Variants in CLNK observed in about 807,000 individuals in gnomAD.
CLNK encodes cytokine-dependent hematopoietic cell linker.
CLNK carries 74 observed loss-of-function variants against 68.6 expected under a neutral mutation model. The ratio of observed to expected loss-of-function variants is 1.08; its 90% CI spans 0.89 to 1.31. The LOEUF is 1.31. CLNK is among the 50% of genes most tolerant of loss of function. CLNK has a pLI of 0.00. For synonymous variants in CLNK, 198 were observed against 172.2 expected, an observed-to-expected ratio of 1.15 and a Z score of -1.17; for missense variants, 553 against 515.3, an observed-to-expected ratio of 1.07 and a Z score of -0.71.
chr4:10,542,276 A>T lies in CLNK; in HGVS notation c.450T>A (p.Asp150Glu), dbSNP rs984161640. ...TTACCTTGTTCTTTCTTACGGATGC[A>T]TCTCCTAAAACATAAGAGGGAATAG... The part of the protein sequence containing the change: ...KDVRSQNIKG[D>E]ASVRKNKIPL... The change falls in exon 9 of 19, where the codon GAT becomes GAA. Residue 150 changes from aspartate (D) to glutamate (E), a missense_variant. Physicochemically the swap from Asp to Glu is conservative, Grantham distance 45. Coordinates refer to ENST00000226951, the MANE Select transcript of CLNK (RefSeq NM_052964.4). 2.6e-6 allele frequency: 4 copies of T among 1,536,240 alleles called. No individual in the cohort carries two copies. The African/African-American group carries it at 5.4e-5, about 21-fold the overall frequency.
chr4:10,717,292 A>G, the CLNK span, among the ~76,000 whole-genome samples: 47 of 152,156 alleles, frequency 3.1e-4, no homozygotes, highest in Non-Finnish European at 4.9e-4. Flanking sequence ...GTAGTATCAG[A>G]GGGGGTGGAG....
chr4:10,677,188 C>G (rs1376942347), intron 1 of CLNK, among the ~76,000 whole-genome samples: 1 of 152,058 alleles, frequency 6.6e-6, no homozygotes, highest in East Asian at 1.9e-4. Context: ...TATATATTTA[C>G]CACCATTTAC....
the CLNK span, among the ~76,000 whole-genome samples, chr4:10,707,225 G>T: frequency 6.6e-6 from 1 of 152,048 alleles, no homozygotes; most frequent in African/African-American, 2.4e-5. Context: ...AACAATAACT[G>T]ATGAGCTAAA....
chr4:10,710,466 T>C, the CLNK span, among the ~76,000 whole-genome samples: 1 of 152,232 alleles, frequency 6.6e-6, no homozygotes, highest in Admixed American at 6.5e-5. Context: ...TTCCTTATCA[T>C]AGCCCTCTCT....
At chr4:10,534,846 CAAT>C (rs1208548530) in intron 11 of CLNK, among the ~76,000 whole-genome samples, 3 of 152,046 alleles carry the variant, frequency 2.0e-5, no homozygotes, top group Admixed American at 1.3e-4. Flanking sequence ...ACTTGGAAAA[CAAT>C]AATAATGATG....
intron 15 of CLNK, among the ~76,000 whole-genome samples, chr4:10,513,868 T>TA (rs1443889076): frequency 6.7e-6 from 1 of 149,118 alleles, no homozygotes; most frequent in Non-Finnish European, 1.5e-5. Flanking sequence ...TATTTTTTTT[T>TA]AAATTATACT....
At chr4:10,725,330 A>T in the CLNK span, among the ~76,000 whole-genome samples, 2 of 152,156 alleles carry the variant, frequency 1.3e-5, no homozygotes, top group Non-Finnish European at 2.9e-5. Context: ...TGTTATGTGT[A>T]CCAGATGGCC....
intron 1 of CLNK, among the ~76,000 whole-genome samples, chr4:10,675,239 G>A (rs911264853): frequency 6.6e-6 from 1 of 152,188 alleles, no homozygotes; most frequent in African/African-American, 2.4e-5. Context: ...GCAGATGAAA[G>A]TATCTATAAG....
chr4:10,687,219 C>T (rs1314364083), upstream of CLNK, among the ~76,000 whole-genome samples: 1 of 139,310 alleles, frequency 7.2e-6, no homozygotes, highest in Non-Finnish European at 1.6e-5. Context: ...AAAAAAAAAA[C>T]TTGTCCCTAC....
chr4:10,552,014 A>C (rs981469344), intron 8 of CLNK, among the ~76,000 whole-genome samples: 1 of 151,844 alleles, frequency 6.6e-6, no homozygotes, highest in Non-Finnish European at 1.5e-5. Flanking sequence ...CGCTGGGCTA[A>C]TTTTTTGTGC....
intron 8 of CLNK, 48 bp from the exon 9 acceptor site, chr4:10,542,328 A>T: frequency 7.7e-7 from 1 of 1,301,444 alleles, no homozygotes; most frequent in Non-Finnish European, 1.1e-6. Context: ...AATGTCATCA[A>T]GCATTGATTT....
chr4:10,640,945 T>G (rs1723282501), intron 2 of CLNK, among the ~76,000 whole-genome samples: 1 of 152,210 alleles, frequency 6.6e-6, no homozygotes, highest in Non-Finnish European at 1.5e-5. Context: ...GAAGCCACAG[T>G]GAAGGGGGCC....
chr4:10,704,688 GCCCACAGGGTCAAGC>G, the CLNK span, among the ~76,000 whole-genome samples: 1 of 152,120 alleles, frequency 6.6e-6, no homozygotes, highest in Admixed American at 6.5e-5. Context: ...GACTCTTTGT[GCCCACAGGGTCAAGC>G]CCCCCTGTGC....
chr4:10,550,757 C>A (rs977867470), intron 8 of CLNK, among the ~76,000 whole-genome samples: 2 of 152,140 alleles, frequency 1.3e-5, no homozygotes, highest in African/African-American at 4.8e-5. Flanking sequence ...TCCCAGTAAC[C>A]TCAGCATACA....
At chr4:10,542,508 GA>G (rs1294632718) in intron 8 of CLNK, among the ~76,000 whole-genome samples, 1 of 152,010 alleles carries the variant, frequency 6.6e-6, no homozygotes, top group Non-Finnish European at 1.5e-5. Context: ...GACACACGGG[GA>G]AGTTAAATAT....
chr4:10,498,967 ACCC>A (rs1177985766), intron 18 of CLNK, among the ~76,000 whole-genome samples: 120 of 135,632 alleles, frequency 8.8e-4, no homozygotes, highest in African/African-American at 2.9e-3. Flanking sequence ...AATTCATTGT[ACCC>A]CCCCCCCCCC....
chr4:10,619,886 C>CAAG (rs1722368498), intron 2 of CLNK, among the ~76,000 whole-genome samples: 2 of 152,126 alleles, frequency 1.3e-5, no homozygotes, highest in Non-Finnish European at 2.9e-5. Context: ...GAGGCTGCTA[C>CAAG]AGGCCAGACT....
intron 5 of CLNK, among the ~76,000 whole-genome samples, chr4:10,568,641 A>G (rs979964385): frequency 6.6e-6 from 1 of 152,232 alleles, no homozygotes; most frequent in Admixed American, 6.5e-5. Context: ...AGGATTTGAC[A>G]ACAGCCAGCC....
chr4:10,688,091 A>G (rs1725333473), upstream of CLNK, among the ~76,000 whole-genome samples: 1 of 152,060 alleles, frequency 6.6e-6, no homozygotes, highest in Admixed American at 6.6e-5. Flanking sequence ...AAAATTACTT[A>G]CCTCCTGCAA....
Sources: gnomAD v4.1 joint callset for allele counts (sites outside exome capture counted in the v4.1 genomes callset) on GRCh38, gnomAD v4.1.1 for gene constraint, MANE v1.5 for transcripts, NCBI Gene and HGNC (gene_info 2026-07-23, HGNC 2026-07-21) for gene names.